The following CSMD2 variants were observed in gnomAD, a reference collection of about 807,000 sequenced individuals.
The protein encoded by CSMD2 is CUB and sushi domain-containing protein 2.
In CSMD2, 130 loss-of-function variants were observed where a neutral mutation model predicts 398.5. The observed-to-expected ratio is 0.33, with a 90% CI of 0.28 to 0.38. The LOEUF is 0.38. CSMD2 is among the 10% of genes least tolerant of loss of function. CSMD2 has a pLI of 1.00. For missense variants in CSMD2, 3,829 were observed against 4,764.9 expected (o/e 0.80, Z 5.78); for synonymous variants, 1,828 against 1,908.5 (o/e 0.96, Z 1.10).
chr1:33,587,016 A>C, intron 45 of CSMD2, 72 bp downstream of exon 45: 1 of 1,223,680 alleles, frequency 8.2e-7, no homozygotes, highest in Non-Finnish European at 1.2e-6. Context: ...CTGGCCCGAC[A>C]GCTCCCCCCG....
chr1:33,611,174 C>T lies in CSMD2; in HGVS notation c.6210G>A (p.Glu2070=), dbSNP rs1434227288. The change falls in exon 41 of 71, where the codon GAG becomes GAA. Residue 2070 remains glutamate, a synonymous_variant. Transcript: ENST00000373381. The stretch of plus-strand genomic sequence containing the variant: ...TGAATCTTCCCATCATGCGGCTGGT[C>T]TCATAGGGGCCATTCCGGATTTCTA... The part of the protein sequence containing the change: ...DYIEIRNGPY[E]TSRMMGRFSG... 6.2e-7 allele frequency: 1 copy of T among 1,614,020 alleles called. No individual in the cohort carries two copies. Among genetic ancestry groups the T allele is most frequent in the Non-Finnish European group, 8.5e-7 (1 of 1,180,008 alleles).
chr1:34,118,238 C>G (rs1046696117), intron 1 of CSMD2, among the ~76,000 whole-genome samples: 1 of 151,784 alleles, frequency 6.6e-6, no homozygotes, highest in East Asian at 1.9e-4. Flanking sequence ...AAGAAACACT[C>G]AACAAACTAG....
chr1:33,981,212 G>T (rs1368471481), intron 3 of CSMD2, among the ~76,000 whole-genome samples: 1 of 152,152 alleles, frequency 6.6e-6, no homozygotes, highest in Admixed American at 6.5e-5. Context: ...CCGGTTGTTT[G>T]CAGTTCAACA....
rs1197175898 is a variant in CSMD2 at position 33,690,648 on chromosome 1, AAT to A, written c.4052+2280_4052+2281del. Among the ~76,000 whole-genome samples the A allele has an allele frequency of 3.3e-5, 5 of 152,222 alleles. No homozygotes were observed. The East Asian group carries it at 9.6e-4, about 29-fold the overall frequency. ...TTTGCACATGTGTATACTAAAGTGA[AAT>A]AGTCATTATGTTCTCGATCCACTCA... is the stretch of plus-strand genomic sequence containing the variant. On this transcript the variant is annotated intron_variant, in intron 25 of 70. Transcript: ENST00000373381.
chr1:33,821,905 C>A (rs1658197748), intron 7 of CSMD2, among the ~76,000 whole-genome samples: 1 of 152,108 alleles, frequency 6.6e-6, no homozygotes, highest in Non-Finnish European at 1.5e-5. Flanking sequence ...CAAAGATAGA[C>A]AGGCACGAGG....
chr1:33,997,747 G>A (rs1007700964), intron 3 of CSMD2, among the ~76,000 whole-genome samples: 2 of 151,860 alleles, frequency 1.3e-5, no homozygotes, highest in Non-Finnish European at 2.9e-5. Context: ...AGGGGAGAAA[G>A]AAGGAGGCCA....
At chr1:33,904,875 T>C (rs1392122256) in intron 5 of CSMD2, among the ~76,000 whole-genome samples, 1 of 152,166 alleles carries the variant, frequency 6.6e-6, no homozygotes, top group Non-Finnish European at 1.5e-5. Flanking sequence ...CTCAATCTCC[T>C]GACCTCATCA....
chr1:33,558,010 C>A, intron 54 of CSMD2, 88 bp from the exon 55 acceptor site: 1 of 1,230,746 alleles, frequency 8.1e-7, no homozygotes, highest in Non-Finnish European at 1.1e-6. Context: ...CAGACCCTGT[C>A]GGGAGGGTGA....
chr1:33,980,857 G>A (rs922381255), intron 3 of CSMD2, among the ~76,000 whole-genome samples: 2 of 152,160 alleles, frequency 1.3e-5, no homozygotes, highest in African/African-American at 4.8e-5. Flanking sequence ...AGTGGTATTG[G>A]AACTCAGATC....
At chr1:33,586,475 C>T in intron 46 of CSMD2, 29 bp downstream of exon 46, 1 of 1,430,700 alleles carries the variant, frequency 7.0e-7, no homozygotes, top group Non-Finnish European at 9.9e-7. Context: ...ACTTCTAGGC[C>T]CCATACAGAT....
At chr1:33,583,431 T>A (rs1228163003) in intron 47 of CSMD2, among the ~76,000 whole-genome samples, 1 of 152,126 alleles carries the variant, frequency 6.6e-6, no homozygotes, top group Non-Finnish European at 1.5e-5. Flanking sequence ...AAAGGTTCGG[T>A]AACAGGTTCA....
intron 13 of CSMD2, among the ~76,000 whole-genome samples, chr1:33,749,190 C>T (rs561289049): frequency 4.1e-4 from 62 of 151,518 alleles, no homozygotes; most frequent in Admixed American, 1.1e-3. Flanking sequence ...CTCCACCCCC[C>T]CAGGTTCACG....
intron 1 of CSMD2, among the ~76,000 whole-genome samples, chr1:34,092,853 G>T (rs1488262932): frequency 6.6e-6 from 1 of 152,198 alleles, no homozygotes; most frequent in African/African-American, 2.4e-5. Context: ...CATTGCCCAG[G>T]CTTGCTTAGG....
intron 10 of CSMD2, among the ~76,000 whole-genome samples, chr1:33,802,841 AT>A (rs989269327): frequency 1.3e-5 from 2 of 151,526 alleles, no homozygotes; most frequent in African/African-American, 4.9e-5. Context: ...CTCTGTGCAT[AT>A]TTTTTCCTAA....
chr1:33,535,179 A>T (rs987986441), intron 62 of CSMD2, among the ~76,000 whole-genome samples: 1 of 152,222 alleles, frequency 6.6e-6, no homozygotes, highest in Non-Finnish European at 1.5e-5. Flanking sequence ...GAACACATAT[A>T]AAGTATAATA....
chr1:33,622,075 T>G, intron 37 of CSMD2, 92 bp downstream of exon 37: 1 of 932,996 alleles, frequency 1.1e-6, no homozygotes, highest in Non-Finnish European at 1.8e-6. Flanking sequence ...ATGGACAATA[T>G]GCAGCTCCAG....
rs771073052 is a variant in CSMD2, at chr1:33,709,115, C to G, written c.3550G>C (p.Glu1184Gln). The change falls in exon 22 of 71, where the codon GAA becomes CAA. Residue 1184 changes from glutamate to glutamine, a missense_variant. This residue lies in a region of CSMD2 where 2,001 missense variants were observed against 2,567.1 expected (regional missense o/e 0.78). Transcript: ENST00000373381. ...KGIQLKARAF[E>Q]LSEGDVLKVY... ...TTGAGGACATCTCCTTCGGAGAGTTCGAATGCCCTGGCTTTCAGCTGAATT... is the reference window on the plus strand; with the variant it reads ...TTGAGGACATCTCCTTCGGAGAGTTGGAATGCCCTGGCTTTCAGCTGAATT... 1 of 1,613,542 alleles carries G rather than the reference C, an allele frequency of 6.2e-7. No homozygotes were observed. The highest frequency in any genetic ancestry group is 1.7e-5 in the Admixed American group (1 of 59,938).
At chr1:33,960,795 T>G (rs1469183458) in intron 3 of CSMD2, among the ~76,000 whole-genome samples, 1 of 152,228 alleles carries the variant, frequency 6.6e-6, no homozygotes, top group South Asian at 2.1e-4. Flanking sequence ...CAGAAGTCTA[T>G]GTATATGATG....
intron 3 of CSMD2, among the ~76,000 whole-genome samples, chr1:34,018,646 C>T (rs1648462188): frequency 6.6e-6 from 1 of 152,238 alleles, no homozygotes. Context: ...CTATCAGGAC[C>T]AGGTAGTGCT....
Sources: allele counts gnomAD v4.1 joint callset (sites outside exome capture counted in the v4.1 genomes callset), GRCh38; gene constraint gnomAD v4.1.1; regional missense constraint gnomAD v4.1.1; transcripts MANE v1.5; gene names NCBI Gene and HGNC (gene_info 2026-07-23, HGNC 2026-07-21).